KIZ: variants seen among roughly 807,000 people sequenced by gnomAD.
The protein encoded by KIZ is kizuna centrosomal protein.
A neutral mutation model predicts 79.6 loss-of-function variants in KIZ; 68 were observed. That is an observed-to-expected ratio of 0.85 (90% CI 0.70 to 1.05). KIZ has a LOEUF of 1.05. Among genes scored for constraint, KIZ ranks in the 50% least tolerant of loss-of-function variants. The pLI is 0.00. For synonymous variants in KIZ, 280 were observed against 281.8 expected (o/e 0.99, Z 0.06); for missense variants, 797 against 800.4 (o/e 1.00, Z 0.05).
intron 9 of KIZ, among the ~76,000 whole-genome samples, chr20:21,223,880 G>A (rs1221802369): frequency 6.6e-6 from 1 of 152,006 alleles, no homozygotes; most frequent in Admixed American, 6.5e-5. Flanking sequence ...GTTTCACCAT[G>A]TTGGTCAGGC....
At chr20:21,204,277 G>A (rs1051156701) in intron 6 of KIZ, among the ~76,000 whole-genome samples, 4 of 150,250 alleles carry the variant, frequency 2.7e-5, no homozygotes, top group African/African-American at 4.9e-5. Context: ...CACTACGCCC[G>A]GCTAATTTTT....
chr20:21,226,926 G>A (rs796398463), intron 9 of KIZ, among the ~76,000 whole-genome samples: 13 of 152,198 alleles, frequency 8.5e-5, no homozygotes, highest in South Asian at 6.2e-4. Flanking sequence ...CTCTGGTTGC[G>A]TGGGGCAGGA....
At chr20:21,213,430 T>C (rs1039567998) in intron 7 of KIZ, 15 of 152,240 alleles carry the variant, frequency 9.9e-5, no homozygotes, top group African/African-American at 3.6e-4. Flanking sequence ...TGATGACCTG[T>C]GAACATTTGT....
chr20:21,206,134 A>G (rs965266121), intron 7 of KIZ, among the ~76,000 whole-genome samples: 3 of 152,190 alleles, frequency 2.0e-5, no homozygotes, highest in Non-Finnish European at 4.4e-5. Flanking sequence ...ATTTCAAAGC[A>G]TCTTATAACA....
In KIZ at chr20:21,163,084, A is replaced by G. The variant is rs534840981; in HGVS notation, c.1277A>G (p.Glu426Gly). Reference sequence around the variant, plus strand: ...CAAGAAAGAGTTGCCCTATCCACTGAAAAAAATTGTATTTTGCAAACCCTA... The same window carrying G: ...CAAGAAAGAGTTGCCCTATCCACTGGAAAAAATTGTATTTTGCAAACCCTA... ...AEQERVALST[E>G]KNCILQTLSS... The change falls in exon 6 of 13, where the codon GAA becomes GGA. Residue 426 changes from glutamate to glycine, a missense_variant. By Grantham distance (98) the Glu-to-Gly change is moderately conservative. Transcript: ENST00000619189. 6.6e-5 allele frequency: 107 copies of G among 1,613,528 alleles called. No individual in the cohort carries two copies. In the Admixed American group the frequency reaches 1.2e-3, roughly 18 times the overall value.
chr20:21,152,463 C>T (rs2033166355), intron 4 of KIZ, among the ~76,000 whole-genome samples: 1 of 152,054 alleles, frequency 6.6e-6, no homozygotes, highest in African/African-American at 2.4e-5. Context: ...GCCTTTCTAT[C>T]CCTCTGATGT....
chr20:21,242,262 C>T (rs925520649), intron 11 of KIZ, among the ~76,000 whole-genome samples: 18 of 152,162 alleles, frequency 1.2e-4, no homozygotes, highest in African/African-American at 4.3e-4. Flanking sequence ...CAGGACAGCA[C>T]GACACTCCTG....
upstream of KIZ, chr20:21,125,980 C>T (rs1280872215): frequency 5.5e-6 from 7 of 1,273,996 alleles, no homozygotes; most frequent in South Asian, 4.1e-5. Flanking sequence ...GCCCCGCCCC[C>T]ACGGCGTCTT....
intron 7 of KIZ, among the ~76,000 whole-genome samples, chr20:21,208,582 A>G (rs1241833000): frequency 1.3e-5 from 2 of 152,166 alleles, no homozygotes; most frequent in Non-Finnish European, 1.5e-5. Flanking sequence ...GGGCGCCTGT[A>G]GTCCCAGCTA....
chr20:21,232,520 G>A (rs2036867012), intron 10 of KIZ, among the ~76,000 whole-genome samples: 1 of 152,152 alleles, frequency 6.6e-6, no homozygotes, highest in Non-Finnish European at 1.5e-5. Flanking sequence ...TGTGGCTTGT[G>A]TTTCGGTATC....
At chr20:21,158,374 C>T (rs1233106204) in intron 4 of KIZ, 1 of 152,136 alleles carries the variant, frequency 6.6e-6, no homozygotes, top group Non-Finnish European at 1.5e-5. Flanking sequence ...CCAGCAATTT[C>T]AGTTCTAGAA....
chr20:21,229,427 A>C (rs926708119), intron 10 of KIZ, among the ~76,000 whole-genome samples: 2 of 152,190 alleles, frequency 1.3e-5, no homozygotes, highest in African/African-American at 4.8e-5. Context: ...TCTCTTCCCC[A>C]CAGCTACTAG....
chr20:21,131,178 C>G (rs2031814507), intron 1 of KIZ, among the ~76,000 whole-genome samples: 1 of 152,180 alleles, frequency 6.6e-6, no homozygotes, highest in Non-Finnish European at 1.5e-5. Flanking sequence ...ATCCCCCAGC[C>G]CCCTGGTTTT....
intron 3 of KIZ, among the ~76,000 whole-genome samples, chr20:21,139,358 G>C (rs895431541): frequency 9.9e-5 from 15 of 152,146 alleles, no homozygotes; most frequent in Admixed American, 5.2e-4. Flanking sequence ...TTAATGGAGA[G>C]GGGTATTTAG....
chr20:21,234,285 A>G (rs766886195), intron 11 of KIZ, among the ~76,000 whole-genome samples: 3 of 152,006 alleles, frequency 2.0e-5, no homozygotes, highest in Non-Finnish European at 4.4e-5. Context: ...TGTTATTAGT[A>G]TCGTTTCCGT....
At chr20:21,173,551 C>T (rs2034307759) in intron 6 of KIZ, among the ~76,000 whole-genome samples, 1 of 135,736 alleles carries the variant, frequency 7.4e-6, no homozygotes, top group Non-Finnish European at 1.5e-5. Context: ...GGACTCCAGC[C>T]TGGGCAACAG....
At chr20:21,141,964 CCT>C (rs748654389) in intron 3 of KIZ, among the ~76,000 whole-genome samples, 65 of 151,492 alleles carry the variant, frequency 4.3e-4, no homozygotes, top group Non-Finnish European at 5.2e-4. Flanking sequence ...TTATCTCTCC[CCT>C]GTCTCCTATT....
intron 2 of KIZ, among the ~76,000 whole-genome samples, chr20:21,133,824 C>T (rs1600348286): frequency 1.3e-5 from 2 of 152,188 alleles, no homozygotes; most frequent in South Asian, 4.1e-4. Context: ...GGGCTCAGTC[C>T]CTCCAGACCT....
At chr20:21,142,878 G>C (rs1035169635) in intron 3 of KIZ, among the ~76,000 whole-genome samples, 1 of 152,096 alleles carries the variant, frequency 6.6e-6, no homozygotes, top group African/African-American at 2.4e-5. Context: ...CCTATAAGGG[G>C]CTAATATTTG....
Sources: allele counts gnomAD v4.1 joint callset (sites outside exome capture counted in the v4.1 genomes callset), GRCh38; gene constraint gnomAD v4.1.1; transcripts MANE v1.5; gene names NCBI Gene and HGNC (gene_info 2026-07-23, HGNC 2026-07-21).